Variants in TENM3 observed in about 807,000 individuals in gnomAD.
The protein encoded by TENM3 is teneurin-3.
A neutral mutation model predicts 255.1 loss-of-function variants in TENM3; 63 were observed. The ratio of observed to expected loss-of-function variants is 0.25; its 90% confidence interval spans 0.20 to 0.30. The LOEUF (loss-of-function observed/expected upper bound fraction) is 0.30. Ranked by LOEUF, TENM3 falls within the 10% of genes least tolerant of loss-of-function variation. TENM3 has a pLI of 1.00. For missense variants in TENM3, 2,929 were observed against 3,461.1 expected, an observed-to-expected ratio of 0.85 and a Z score of 3.86; for synonymous variants, 1,306 against 1,322.3, an observed-to-expected ratio of 0.99 and a Z score of 0.27.
chr4:181,591,198 G>A, the TENM3 span, among the ~76,000 whole-genome samples: 2 of 152,152 alleles, frequency 1.3e-5, no homozygotes, highest in African/African-American at 4.8e-5. Context: ...ATATCAGAAT[G>A]TCTAAAATTT....
At chr4:182,485,178 G>A (rs1734578344) in intron 3 of TENM3, among the ~76,000 whole-genome samples, 2 of 152,162 alleles carry the variant, frequency 1.3e-5, no homozygotes, top group East Asian at 1.9e-4. Flanking sequence ...TCACAGCCCT[G>A]TCCTCGTTTG....
At chr4:181,605,565 AGAAAGAGAGAGAAAG>A in the TENM3 span, among the ~76,000 whole-genome samples, 2 of 29,790 alleles carry the variant, frequency 6.7e-5, no homozygotes, top group Admixed American at 5.0e-4. Context: ...AAAGAAAGAA[AGAAAGAGAGAGAAAG>A]AAAGGAAAGA....
the TENM3 span, among the ~76,000 whole-genome samples, chr4:181,586,753 T>C: frequency 1.3e-5 from 2 of 151,930 alleles, no homozygotes; most frequent in Non-Finnish European, 2.9e-5. Context: ...GGCAGGAGAA[T>C]CTCCTGAACC....
chr4:181,505,822 TA>T, the TENM3 span, among the ~76,000 whole-genome samples: 1 of 152,174 alleles, frequency 6.6e-6, no homozygotes. Flanking sequence ...ATATTTTGCT[TA>T]AAAACATCAG....
intron 3 of TENM3, among the ~76,000 whole-genome samples, chr4:182,523,230 A>T (rs891531642): frequency 2.0e-5 from 3 of 151,744 alleles, no homozygotes; most frequent in Non-Finnish European, 4.4e-5. Context: ...TTGAGTAGGC[A>T]CATGTTAAGT....
intron 4 of TENM3, among the ~76,000 whole-genome samples, chr4:182,620,656 T>TAG (rs1750034523): frequency 1.3e-5 from 2 of 152,224 alleles, no homozygotes; most frequent in African/African-American, 4.8e-5. Flanking sequence ...TAAACAATCT[T>TAG]TACTAATTCT....
the TENM3 span, among the ~76,000 whole-genome samples, chr4:181,709,612 C>A: frequency 6.6e-6 from 1 of 152,318 alleles, no homozygotes; most frequent in East Asian, 1.9e-4. Context: ...GCTGAAGCAA[C>A]AAATTGAGAT....
intron 3 of TENM3, among the ~76,000 whole-genome samples, chr4:182,510,964 TTAGCCA>T (rs1436064813): frequency 1.3e-5 from 2 of 152,200 alleles, no homozygotes; most frequent in African/African-American, 4.8e-5. Flanking sequence ...AGATGAGGCA[TTAGCCA>T]AGAGCAGGCT....
chr4:182,609,630 A>G (rs937841126), intron 4 of TENM3, among the ~76,000 whole-genome samples: 1 of 152,218 alleles, frequency 6.6e-6, no homozygotes, highest in African/African-American at 2.4e-5. Context: ...TGTTCCAGTT[A>G]CATCTCACAG....
At chr4:182,721,494 A>T (rs1759728135) in intron 13 of TENM3, among the ~76,000 whole-genome samples, 2 of 151,864 alleles carry the variant, frequency 1.3e-5, no homozygotes, top group African/African-American at 2.4e-5. Flanking sequence ...ATTGTTTCTA[A>T]TTTTTTTGCC....
the TENM3 span, among the ~76,000 whole-genome samples, chr4:181,530,179 T>TA: frequency 6.6e-6 from 1 of 152,158 alleles, no homozygotes; most frequent in Non-Finnish European, 1.5e-5. Flanking sequence ...TCAGTGATCA[T>TA]AAAAAAACAT....
the TENM3 span, among the ~76,000 whole-genome samples, chr4:181,626,132 C>A: frequency 6.6e-6 from 1 of 152,136 alleles, no homozygotes; most frequent in African/African-American, 2.4e-5. Context: ...CTGGTTCTGC[C>A]ACAATTGGGT....
intron 24 of TENM3, among the ~76,000 whole-genome samples, chr4:182,785,708 A>C (rs1448580525): frequency 2.0e-4 from 27 of 134,228 alleles, no homozygotes; most frequent in African/African-American, 7.8e-4. Flanking sequence ...ACCCTGTCTC[A>C]AGATAAAAAA....
chr4:182,271,983 C>T (rs970916146), intron 1 of TENM3, among the ~76,000 whole-genome samples: 2 of 152,132 alleles, frequency 1.3e-5, no homozygotes, highest in Non-Finnish European at 2.9e-5. Flanking sequence ...CGTGACCGTT[C>T]GGCCAGTTTA....
the TENM3 span, among the ~76,000 whole-genome samples, chr4:182,024,298 A>C: frequency 6.6e-6 from 1 of 152,344 alleles, no homozygotes; most frequent in Middle Eastern, 3.4e-3. Flanking sequence ...ACACCCATCC[A>C]GCAAAAGTTT....
At chr4:182,719,241 C>CTTT (rs1158057157) in intron 13 of TENM3, among the ~76,000 whole-genome samples, 4 of 83,302 alleles carry the variant, frequency 4.8e-5, no homozygotes, top group Non-Finnish European at 5.0e-5. Context: ...AAATAGAGTT[C>CTTT]TTTTTTTTTT....
intron 3 of TENM3, among the ~76,000 whole-genome samples, chr4:182,410,957 G>A (rs944063257): frequency 2.0e-5 from 3 of 152,136 alleles, no homozygotes; most frequent in East Asian, 1.9e-4. Flanking sequence ...CATGAAACGA[G>A]CATATATCAT....
the TENM3 span, among the ~76,000 whole-genome samples, chr4:181,839,820 T>A: frequency 6.6e-6 from 1 of 152,038 alleles, no homozygotes; most frequent in East Asian, 1.9e-4. Context: ...TGATCTTCTC[T>A]TTGTCTTTAG....
the TENM3 span, among the ~76,000 whole-genome samples, chr4:181,621,802 T>G: frequency 6.6e-6 from 1 of 152,144 alleles, no homozygotes; most frequent in Non-Finnish European, 1.5e-5. Flanking sequence ...CTCCTAAGTT[T>G]GTACTAAACT....
Sources: allele counts gnomAD v4.1 joint callset (sites outside exome capture counted in the v4.1 genomes callset), GRCh38; gene constraint gnomAD v4.1.1; transcripts MANE v1.5; gene names NCBI Gene and HGNC (gene_info 2026-07-23, HGNC 2026-07-21).